Variants in ADAMTS20 observed in about 807,000 individuals in gnomAD.
The protein encoded by ADAMTS20 is ADAM metallopeptidase with thrombospondin type 1 motif 20, also known as A disintegrin and metalloproteinase with thrombospondin motifs 20.
In ADAMTS20, 225 loss-of-function variants were observed where a neutral mutation model predicts 260.1. That is an observed-to-expected ratio of 0.87 (90% CI 0.78 to 0.97). ADAMTS20 has a LOEUF of 0.97. ADAMTS20 is among the 50% of genes least tolerant of loss of function. The probability of loss-of-function intolerance (pLI) is 0.00; values close to 1 mark genes in which losing one functional copy is unlikely to be tolerated. For missense variants in ADAMTS20, 2,400 were observed against 2,337.7 expected, an observed-to-expected ratio of 1.03 and a Z score of -0.55; for synonymous variants, 802 against 769.5, an observed-to-expected ratio of 1.04 and a Z score of -0.70.
intron 7 of ADAMTS20, among the ~76,000 whole-genome samples, chr12:43,470,474 AC>A (rs1174037180): frequency 6.6e-6 from 1 of 152,220 alleles, no homozygotes; most frequent in Non-Finnish European, 1.5e-5. Context: ...GGCAACACCT[AC>A]AAAACTCAAA....
intron 15 of ADAMTS20, among the ~76,000 whole-genome samples, 178 bp downstream of exon 15, chr12:43,446,417 T>C (rs1941761368): frequency 6.6e-6 from 1 of 152,192 alleles, no homozygotes; most frequent in Admixed American, 6.5e-5. Context: ...CAAGGATACA[T>C]CTGGTCTAAT....
chr12:43,372,762 T>C (rs948653882), intron 36 of ADAMTS20, among the ~76,000 whole-genome samples: 4 of 152,096 alleles, frequency 2.6e-5, no homozygotes, highest in African/African-American at 9.7e-5. Flanking sequence ...GATGGGAGCA[T>C]GAAGAGTTCA....
chr12:43,411,488 C>A (rs1565685694), intron 28 of ADAMTS20, among the ~76,000 whole-genome samples: 1 of 152,130 alleles, frequency 6.6e-6, no homozygotes, highest in Non-Finnish European at 1.5e-5. Context: ...CTGCCTCAGC[C>A]TCCCAAGTAG....
chr12:43,481,543 T>A (rs1291278707), intron 7 of ADAMTS20, among the ~76,000 whole-genome samples: 1 of 152,064 alleles, frequency 6.6e-6, no homozygotes, highest in East Asian at 1.9e-4. Flanking sequence ...TTGCCATAAT[T>A]CACAAATATA....
intron 7 of ADAMTS20, among the ~76,000 whole-genome samples, chr12:43,471,355 T>A (rs4551830): frequency 0.68 from 87,385 of 129,310 alleles, 30,385 homozygotes; most frequent in East Asian, 1. Context: ...AGTCTCGCTG[T>A]TTGCTAGCAC....
chr12:43,474,490 G>C (rs1207474355), intron 7 of ADAMTS20, among the ~76,000 whole-genome samples: 3 of 142,216 alleles, frequency 2.1e-5, no homozygotes, highest in Non-Finnish European at 4.6e-5. Flanking sequence ...CTCATTTTAT[G>C]AGGCCAGCAT....
chr12:43,541,701 G>A (rs1237001716), intron 2 of ADAMTS20, among the ~76,000 whole-genome samples: 2 of 152,134 alleles, frequency 1.3e-5, no homozygotes, highest in Non-Finnish European at 2.9e-5. Context: ...ATGAATCAAT[G>A]ATATAAAGAA....
At chr12:43,434,009 T>C (rs1241034052) in intron 19 of ADAMTS20, among the ~76,000 whole-genome samples, 4 of 152,200 alleles carry the variant, frequency 2.6e-5, no homozygotes, top group African/African-American at 9.7e-5. Context: ...AATTACAATC[T>C]TTTTCTACAT....
chr12:43,544,808 C>T (rs1370217968), intron 2 of ADAMTS20, among the ~76,000 whole-genome samples: 1 of 152,114 alleles, frequency 6.6e-6, no homozygotes, highest in African/African-American at 2.4e-5. Context: ...TCATTTAAAC[C>T]AGAGTCATTA....
rs544424529 is a variant in ADAMTS20, at chr12:43,364,781, T to C, written c.5538+4509A>G. ...AAGAAGCATCAAAAGGACAGAAGAA[T>C]TAAAAAGAGCAGAGAATATATTTGA... is the stretch of plus-strand genomic sequence containing the variant. On this transcript the variant is annotated intron_variant, in intron 37 of 38. Coordinates refer to ENST00000389420, the MANE Select transcript of ADAMTS20 (RefSeq NM_025003.5). 5.3e-5 allele frequency among the ~76,000 whole-genome samples: 8 copies of C among 151,974 alleles called. No homozygotes were observed. The South Asian group carries it at 1.7e-3, about 32-fold the overall frequency.
At chr12:43,534,652 C>A (rs1943269314) in intron 2 of ADAMTS20, among the ~76,000 whole-genome samples, 1 of 151,832 alleles carries the variant, frequency 6.6e-6, no homozygotes, top group African/African-American at 2.4e-5. Flanking sequence ...AACAAACAAA[C>A]AAAAAGAGAA....
intron 28 of ADAMTS20, among the ~76,000 whole-genome samples, chr12:43,409,013 C>T (rs1940972819): frequency 6.6e-6 from 1 of 152,040 alleles, no homozygotes; most frequent in African/African-American, 2.4e-5. Context: ...AGCATACTAA[C>T]CTGTATTCCT....
intron 28 of ADAMTS20, among the ~76,000 whole-genome samples, chr12:43,414,907 A>G (rs927309395): frequency 6.6e-6 from 1 of 152,168 alleles, no homozygotes; most frequent in Non-Finnish European, 1.5e-5. Flanking sequence ...TGTAGGTCCC[A>G]CATTAAAAAC....
chr12:43,475,826 C>A (rs1283863916), intron 7 of ADAMTS20, among the ~76,000 whole-genome samples: 1 of 147,126 alleles, frequency 6.8e-6, no homozygotes, highest in African/African-American at 2.5e-5. Context: ...TTCCTTACAC[C>A]TTATACAAAA....
intron 7 of ADAMTS20, among the ~76,000 whole-genome samples, chr12:43,484,628 T>A (rs1942494241): frequency 6.6e-6 from 1 of 151,826 alleles, no homozygotes; most frequent in Non-Finnish European, 1.5e-5. Context: ...ATTAACCCAA[T>A]CAGACAATTT....
Position 43,452,613 on chromosome 12 carries a change from G to A in ADAMTS20, c.1843C>T (p.Gln615Ter). ...GAGCACTGCTTCTCTCGAAAGTCTT[G>A]TGTGCCTTTTGGACATGAATCAGTA... ...CNTDSCPKGTQDFREKQCSDF... is the reference protein window; with the variant it reads ...CNTDSCPKGT The change falls in exon 13 of 39, where the codon CAA (glutamine) becomes TAA (stop). Residue 615 changes from glutamine (Q) to a stop codon, truncating the protein, a stop_gained. Transcript: ENST00000389420. LOFTEE classifies it high-confidence loss of function. The A allele has an allele frequency of 6.2e-7, 1 of 1,613,414 alleles. No homozygotes were observed. The highest frequency in any genetic ancestry group is 8.5e-7 in the Non-Finnish European group (1 of 1,179,710).
At chr12:43,391,113 G>T (rs1376878872) in intron 29 of ADAMTS20, among the ~76,000 whole-genome samples, 1 of 152,132 alleles carries the variant, frequency 6.6e-6, no homozygotes, top group Non-Finnish European at 1.5e-5. Flanking sequence ...GTCTGGTGAG[G>T]GCCTACTTTC....
At chr12:43,404,631 A>G (rs1003718702) in intron 28 of ADAMTS20, among the ~76,000 whole-genome samples, 16 of 152,178 alleles carry the variant, frequency 1.1e-4, no homozygotes, top group Non-Finnish European at 1.9e-4. Context: ...CATTTCATCT[A>G]TGGATGAAGA....
chr12:43,386,078 A>G (rs1940470128), intron 29 of ADAMTS20, among the ~76,000 whole-genome samples: 1 of 151,768 alleles, frequency 6.6e-6, no homozygotes, highest in Non-Finnish European at 1.5e-5. Flanking sequence ...CGGTCTACCT[A>G]TTTTGTTAAT....
Sources: allele counts gnomAD v4.1 joint callset (sites outside exome capture counted in the v4.1 genomes callset), GRCh38; gene constraint gnomAD v4.1.1; transcripts MANE v1.5; gene names NCBI Gene and HGNC (gene_info 2026-07-23, HGNC 2026-07-21).